The following SCMH1 variants were observed in gnomAD, a reference collection of about 807,000 sequenced individuals.
SCMH1 encodes polycomb protein SCMH1.
Under a neutral mutation model 70.8 loss-of-function variants are expected in SCMH1, and 37 were observed. The ratio of observed to expected loss-of-function variants is 0.52; its 90% CI spans 0.40 to 0.69. SCMH1 has a LOEUF of 0.69. SCMH1 is among the 30% of genes least tolerant of loss of function. The probability of loss-of-function intolerance (pLI) is 0.00; values close to 1 mark genes in which losing one functional copy is unlikely to be tolerated. For synonymous variants in SCMH1, 292 were observed against 307.4 expected (o/e 0.95, Z 0.52); for missense variants, 607 against 827.3 (o/e 0.73, Z 3.27).
chr1:41,152,740 T>A, intron 4 of SCMH1: 1 of 1,604,922 alleles, frequency 6.2e-7, no homozygotes, highest in Non-Finnish European at 8.5e-7. Context: ...AAGCACTAGA[T>A]GCTGGGAATA....
chr1:41,063,707 C>T (rs975346665), intron 10 of SCMH1, among the ~76,000 whole-genome samples: 4 of 152,066 alleles, frequency 2.6e-5, no homozygotes, highest in Non-Finnish European at 4.4e-5. Flanking sequence ...AACTCTATGT[C>T]CACAAATTTG....
chr1:41,175,861 G>C (rs1040678800), intron 2 of SCMH1, among the ~76,000 whole-genome samples: 1 of 152,086 alleles, frequency 6.6e-6, no homozygotes, highest in South Asian at 2.1e-4. Flanking sequence ...TTAAAAACTA[G>C]ATTAGGCTTT....
At chr1:41,043,426 GT>G (rs368412849) in intron 12 of SCMH1, 78 of 134,234 alleles carry the variant, frequency 5.8e-4, no homozygotes, top group Admixed American at 6.0e-4. Flanking sequence ...AATTTCATTA[GT>G]TTTTTTTTTT....
At chr1:41,177,026 G>A (rs890361911) in intron 2 of SCMH1, among the ~76,000 whole-genome samples, 8 of 152,014 alleles carry the variant, frequency 5.3e-5, no homozygotes, top group African/African-American at 1.9e-4. Flanking sequence ...ACCTCACACG[G>A]CCCTCTGAGA....
At chr1:41,102,771 T>G (rs1285121300) in intron 8 of SCMH1, among the ~76,000 whole-genome samples, 1 of 152,156 alleles carries the variant, frequency 6.6e-6, no homozygotes, top group Non-Finnish European at 1.5e-5. Flanking sequence ...TATATTTTCT[T>G]AGAAGATGGT....
chr1:41,155,984 C>CAAAAAAAAAAAAAAAAAAAAAAAAAAA (rs386366781), intron 4 of SCMH1, among the ~76,000 whole-genome samples: 1 of 74,652 alleles, frequency 1.3e-5, no homozygotes, highest in Non-Finnish European at 2.4e-5. Flanking sequence ...GACTCCGTCT[C>CAAAAAAAAAAAAAAAAAAAAAAAAAAA]AAAAAAAAAA....
At chr1:41,145,573 T>C (rs1644477206) in intron 5 of SCMH1, among the ~76,000 whole-genome samples, 1 of 152,168 alleles carries the variant, frequency 6.6e-6, no homozygotes, top group Non-Finnish European at 1.5e-5. Flanking sequence ...TAGAATGAAT[T>C]TGTCAATTTC....
At chr1:41,118,856 A>C (rs192724663) in intron 6 of SCMH1, among the ~76,000 whole-genome samples, 8 of 152,334 alleles carry the variant, frequency 5.3e-5, no homozygotes, top group Admixed American at 1.3e-4. Flanking sequence ...TCCAAACAAA[A>C]GAACAGATAA....
intron 8 of SCMH1, among the ~76,000 whole-genome samples, chr1:41,097,569 AG>A (rs1432850283): frequency 1.3e-5 from 2 of 152,174 alleles, no homozygotes; most frequent in Non-Finnish European, 2.9e-5. Context: ...CCTGGGCTCA[AG>A]CAATCCTCCT....
chr1:41,105,796 C>T (rs768521830), intron 8 of SCMH1, among the ~76,000 whole-genome samples: 44 of 152,058 alleles, frequency 2.9e-4, no homozygotes, highest in Admixed American at 7.2e-4. Flanking sequence ...CATCTGAATC[C>T]GTCCTTTCAT....
rs372036129 is a variant in SCMH1, at chr1:41,241,176, C to T, written c.-118+883G>A. 2.6e-5 allele frequency among the ~76,000 whole-genome samples: 4 copies of T among 152,294 alleles called. No individual in the cohort carries two copies. In the South Asian group the frequency reaches 6.2e-4, roughly 24 times the overall value. Reference sequence around the variant, plus strand: ...GTTCCAAACGGGCTCGTCAAATTATCGGGGGGATTTGGGGATTTTCAAAGT... The same window carrying T: ...GTTCCAAACGGGCTCGTCAAATTATTGGGGGGATTTGGGGATTTTCAAAGT... On this transcript the variant is annotated intron_variant, in intron 1 of 14. Transcript: ENST00000337495.
chr1:41,058,243 A>C (rs1651191522), intron 10 of SCMH1, among the ~76,000 whole-genome samples: 1 of 152,038 alleles, frequency 6.6e-6, no homozygotes. Flanking sequence ...TGAGTGACTG[A>C]AGAAATGGTC....
chr1:41,060,350 C>T lies in SCMH1; in HGVS notation c.1105+10245G>A, dbSNP rs1216952979. ...AAGACAAGAATTATATCTAATGTCT[C>T]ATAAGAAACCATGCAAGCAAGAAGA... On this transcript the variant is annotated intron_variant, in intron 10 of 14. Transcript: ENST00000337495. Among the ~76,000 whole-genome samples the T allele has an allele frequency of 3.3e-5, 5 of 151,544 alleles. 1 individual carries two copies. In the East Asian group the frequency reaches 5.8e-4, roughly 18 times the overall value.
intron 8 of SCMH1, among the ~76,000 whole-genome samples, chr1:41,112,887 C>T (rs771400888): frequency 6.6e-6 from 1 of 152,172 alleles, no homozygotes; most frequent in Non-Finnish European, 1.5e-5. Context: ...TGCTTCTCAA[C>T]TATTTTTACA....
At chr1:41,123,444 T>G (rs1672429398) in intron 6 of SCMH1, among the ~76,000 whole-genome samples, 1 of 152,176 alleles carries the variant, frequency 6.6e-6, no homozygotes, top group African/African-American at 2.4e-5. Flanking sequence ...GGGGCCTCAT[T>G]AAAGGCTAGC....
At chr1:41,181,760 A>G (rs1648836858) in intron 2 of SCMH1, among the ~76,000 whole-genome samples, 1 of 152,240 alleles carries the variant, frequency 6.6e-6, no homozygotes, top group Non-Finnish European at 1.5e-5. Flanking sequence ...GGGACTGTAA[A>G]CTAGTTCAAC....
intron 8 of SCMH1, among the ~76,000 whole-genome samples, chr1:41,097,324 G>A (rs1665366873): frequency 6.6e-6 from 1 of 152,152 alleles, no homozygotes; most frequent in South Asian, 2.1e-4. Flanking sequence ...TTTTTGCTTA[G>A]TTTGGCATCA....
chr1:41,084,292 C>T (rs1660911535), intron 8 of SCMH1, among the ~76,000 whole-genome samples: 1 of 152,132 alleles, frequency 6.6e-6, no homozygotes. Flanking sequence ...AAAAGACAAA[C>T]AACCCCATCA....
At chr1:41,180,983 G>C (rs1193074761) in intron 2 of SCMH1, among the ~76,000 whole-genome samples, 4 of 152,104 alleles carry the variant, frequency 2.6e-5, no homozygotes, top group Non-Finnish European at 5.9e-5. Context: ...CAGCATGGTA[G>C]TGATACCAAA....
Sources: gnomAD v4.1 joint callset for allele counts (sites outside exome capture counted in the v4.1 genomes callset) on GRCh38, gnomAD v4.1.1 for gene constraint, MANE v1.5 for transcripts, NCBI Gene and HGNC (gene_info 2026-07-23, HGNC 2026-07-21) for gene names.